Variants in HTR2B observed in about 807,000 individuals in gnomAD.
HTR2B encodes the protein 5-hydroxytryptamine receptor 2B, also known as 5-HT 2B receptor.
In HTR2B, 31 loss-of-function variants were observed where a neutral mutation model predicts 39.8. That is an observed-to-expected ratio of 0.78 (90% CI 0.58 to 1.05). HTR2B has a LOEUF of 1.05. Ranked by LOEUF, HTR2B falls within the 50% of genes least tolerant of loss-of-function variation. The pLI is 0.00. For synonymous variants in HTR2B, 210 were observed against 207.1 expected, an observed-to-expected ratio of 1.01 and a Z score of -0.12; for missense variants, 562 against 578.0, an observed-to-expected ratio of 0.97 and a Z score of 0.28.
At chr2:231,110,089 G>A (rs925941959) in intron 3 of HTR2B, among the ~76,000 whole-genome samples, 1 of 152,174 alleles carries the variant, frequency 6.6e-6, no homozygotes, top group Admixed American at 6.5e-5. Context: ...GAGGCCAAGT[G>A]GGGGTGGATT....
intron 3 of HTR2B, 55 bp from the exon 4 acceptor site, chr2:231,109,464 G>GTAAT: frequency 2.1e-6 from 3 of 1,423,614 alleles, no homozygotes; most frequent in Non-Finnish European, 3.0e-6. Flanking sequence ...GTAACTCTTC[G>GTAAT]ATTAGATCCT....
rs760491815 is a variant in HTR2B, at chr2:231,123,599, A to G, written c.166T>C (p.Trp56Arg). The G allele has an allele frequency of 7.4e-6, 12 of 1,614,034 alleles. No individual in the cohort carries two copies. Among genetic ancestry groups the G allele is most frequent in the Non-Finnish European group, 1.0e-5 (12 of 1,179,990 alleles). ...ACCATGAGTATCAGAAGAGCTGCCC[A>G]GTGCAGTTTATTTCCCTGTTCCTCA... is the stretch of plus-strand genomic sequence containing the variant. ...IVEEQGNKLH[W>R]AALLILMVII... The change falls in exon 2 of 4, where the codon TGG becomes CGG. Residue 56 changes from tryptophan (W) to arginine (R), a missense_variant. Transcript: ENST00000258400.
intron 2 of HTR2B, among the ~76,000 whole-genome samples, chr2:231,119,693 A>T (rs1460564026): frequency 6.6e-6 from 1 of 151,922 alleles, no homozygotes; most frequent in Non-Finnish European, 1.5e-5. Flanking sequence ...CAAAGTGGCA[A>T]AACCCCATCT....
At position 231,123,484 on chromosome 2, in the gene HTR2B, A is replaced by T; in HGVS notation, c.281T>A (p.Met94Lys). 2 of 1,614,096 alleles carry T rather than the reference A, an allele frequency of 1.2e-6. No homozygotes were observed. The highest frequency in any genetic ancestry group is 1.7e-5 in the Admixed American group (1 of 60,016). Residue 94 changes from methionine (M) to lysine (K), a missense_variant, in exon 2 of 4, where the codon ATG (methionine) becomes AAG (lysine). Met to Lys is a moderately conservative substitution (Grantham distance 95, BLOSUM62 -1). Coordinates refer to ENST00000258400, the MANE Select transcript of HTR2B (RefSeq NM_000867.5). ...KLQYATNYFL[M>K]SLAVADLLVG... ...CAGCAAATCAGCCACCGCCAAGGACATTAGAAAGTAATTAGTAGCATACTG... is the reference window on the plus strand; with the variant it reads ...CAGCAAATCAGCCACCGCCAAGGACTTTAGAAAGTAATTAGTAGCATACTG...
At chr2:231,115,712 G>T (rs554083103) in intron 2 of HTR2B, among the ~76,000 whole-genome samples, 1 of 152,172 alleles carries the variant, frequency 6.6e-6, no homozygotes, top group Admixed American at 6.5e-5. Context: ...TGAATATAGA[G>T]GTAAGGAGGG....
intron 2 of HTR2B, 142 bp downstream of exon 2, chr2:231,123,271 A>T: frequency 2.8e-6 from 2 of 715,912 alleles, no homozygotes. Flanking sequence ...ATATAAAACA[A>T]GGGACTGTTT....
Position 231,108,692 on chromosome 2 carries a change from T to G in HTR2B, c.1271A>C (p.Asn424Thr). Residue 424 changes from asparagine to threonine, a missense_variant, in exon 4 of 4, where the codon AAC (asparagine) becomes ACC (threonine). Coordinates refer to ENST00000258400, the MANE Select transcript of HTR2B (RefSeq NM_000867.5). ...TCCATGTTTCTTGAAAAACTTAGAG[T>G]TCTCTGCCATTGGATTCCGGAAGTA... ...KIYFRNPMAE[N>T]SKFFKKHGIR... 6.2e-7 allele frequency: 1 copy of G among 1,614,106 alleles called. No homozygotes were observed. The highest frequency in any genetic ancestry group is 8.5e-7 in the Non-Finnish European group (1 of 1,180,014).
chr2:231,116,790 A>T lies in HTR2B; in HGVS notation c.353-2861T>A, dbSNP rs543596617. Among the ~76,000 whole-genome samples the T allele has an allele frequency of 7.9e-5, 12 of 152,218 alleles. No individual in the cohort carries two copies. The East Asian group carries it at 1.2e-3, about 15-fold the overall frequency. On this transcript the variant is annotated intron_variant, in intron 2 of 3. Coordinates refer to ENST00000258400, the MANE Select transcript of HTR2B (RefSeq NM_000867.5). ...TTGTTAACAGAAATATTGAGATGTG[A>T]TACAGAATTTTCTTTAAGAAAGAAT...
At chr2:231,112,937 G>C (rs1030391713) in intron 3 of HTR2B, among the ~76,000 whole-genome samples, 1 of 152,148 alleles carries the variant, frequency 6.6e-6, no homozygotes, top group African/African-American at 2.4e-5. Flanking sequence ...GGCTGGGGCA[G>C]GGGGATCGCC....
rs765412351 is a variant in HTR2B, at chr2:231,108,869, A to G, written c.1094T>C (p.Phe365Ser). The stretch of plus-strand genomic sequence containing the variant: ...TGAGGAAACATAGCCTATCCACACA[A>G]ATATCTCCAGGAGCATTTGGAGAGT... ...QTTLQMLLEI[F>S]VWIGYVSSGV... The change falls in exon 4 of 4, where the codon TTT becomes TCT. Residue 365 changes from phenylalanine (F) to serine (S), a missense_variant. Coordinates refer to ENST00000258400, the MANE Select transcript of HTR2B (RefSeq NM_000867.5). The G allele has an allele frequency of 3.7e-6, 6 of 1,614,036 alleles. No homozygotes were observed. The highest frequency in any genetic ancestry group is 5.1e-6 in the Non-Finnish European group (6 of 1,179,996).
At chr2:231,111,615 A>G (rs1695158795) in intron 3 of HTR2B, among the ~76,000 whole-genome samples, 1 of 152,184 alleles carries the variant, frequency 6.6e-6, no homozygotes, top group African/African-American at 2.4e-5. Flanking sequence ...AACTGAGCTT[A>G]TTGTCATCTG....
At chr2:231,122,763 A>G (rs1380527404) in intron 2 of HTR2B, among the ~76,000 whole-genome samples, 1 of 152,174 alleles carries the variant, frequency 6.6e-6, no homozygotes, top group Non-Finnish European at 1.5e-5. Flanking sequence ...TTAGAGGCCT[A>G]TCAGGAACAC....
At position 231,108,952 on chromosome 2, in the gene HTR2B, C is replaced by G; in HGVS notation, c.1011G>C (p.Trp337Cys). 1.2e-6 allele frequency: 2 copies of G among 1,614,074 alleles called. No homozygotes were observed. The highest frequency in any genetic ancestry group is 1.3e-5 in the African/African-American group (1 of 75,020). ...GIVFFLFLLMWCPFFITNITL... is the reference protein window; with the variant it reads ...GIVFFLFLLMCCPFFITNITL... ...TTATATTTGTAATAAAGAAGGGACA[C>G]CACATAAGCAAAAAGAGGAAAAACA... is the stretch of plus-strand genomic sequence containing the variant. Residue 337 changes from tryptophan (W) to cysteine (C), a missense_variant, in exon 4 of 4, where the codon TGG becomes TGC. Transcript: ENST00000258400.
In HTR2B at chr2:231,123,491, A is replaced by C. The variant is rs758487048; in HGVS notation, c.274T>G (p.Phe92Val). 3 of 1,614,150 alleles carry C rather than the reference A, an allele frequency of 1.9e-6. No individual in the cohort carries two copies. The highest frequency in any genetic ancestry group is 1.7e-4 in the Middle Eastern group (1 of 6,060). ...EKKLQYATNY[F>V]LMSLAVADLL... The stretch of plus-strand genomic sequence containing the variant: ...TCAGCCACCGCCAAGGACATTAGAA[A>C]GTAATTAGTAGCATACTGCAGCTTC... The change falls in exon 2 of 4, where the codon TTT becomes GTT. Residue 92 changes from phenylalanine (F) to valine (V), a missense_variant. Coordinates refer to ENST00000258400, the MANE Select transcript of HTR2B (RefSeq NM_000867.5).
rs1475828870 is a variant in HTR2B at position 231,108,619 on chromosome 2, G to A, written c.1344C>T (p.Leu448=). 4 of 1,613,956 alleles carry A rather than the reference G, an allele frequency of 2.5e-6. No individual in the cohort carries two copies. The highest frequency in any genetic ancestry group is 3.4e-6 in the Non-Finnish European group (4 of 1,179,932). ...NPAMYQSPMR[L]RSSTIQSSSI... Reference sequence around the variant, plus strand: ...ATGAAGACTGAATGGTTGAACTTCGGAGCCTCATTGGACTCTGGTACATGG... The same window carrying A: ...ATGAAGACTGAATGGTTGAACTTCGAAGCCTCATTGGACTCTGGTACATGG... The change falls in exon 4 of 4, where the codon CTC becomes CTT. Residue 448 remains leucine, a synonymous_variant. Transcript: ENST00000258400.
chr2:231,112,619 A>G (rs1164425686), intron 3 of HTR2B, among the ~76,000 whole-genome samples: 1 of 152,144 alleles, frequency 6.6e-6, no homozygotes, highest in Non-Finnish European at 1.5e-5. Context: ...CCTCTTTGAA[A>G]TATTTTTACA....
intron 3 of HTR2B, 138 bp downstream of exon 3, chr2:231,113,591 A>G (rs1695230006): frequency 2.5e-6 from 2 of 793,428 alleles, no homozygotes; most frequent in South Asian, 2.7e-5. Flanking sequence ...CAGTGACATA[A>G]GGAGCTTATG....
chr2:231,108,411 G>T lies in HTR2B; in HGVS notation c.*106C>A. On this transcript the variant is annotated 3_prime_UTR_variant, in exon 4 of 4. Coordinates refer to ENST00000258400, the MANE Select transcript of HTR2B (RefSeq NM_000867.5). ...TACTTACATCTTAGGTTAAAGAGAT[G>T]ATTTGATATATGACATAAAATTCTT... 1.3e-6 allele frequency: 1 copy of T among 798,314 alleles called. No homozygotes were observed. The highest frequency in any genetic ancestry group is 1.6e-5 in the South Asian group (1 of 62,448). The allele number at this position is 798,314 out of a possible 1,614,324, so 49.5% of individuals were successfully genotyped here. A position where few individuals can be genotyped will look rare whatever the true frequency, so the allele number is the denominator to read the frequency against.
chr2:231,123,460 A>G lies in HTR2B; in HGVS notation c.305T>C (p.Leu102Pro). 1 of 1,614,088 alleles carries G rather than the reference A, an allele frequency of 6.2e-7. No individual in the cohort carries two copies. Among genetic ancestry groups the G allele is most frequent in the Non-Finnish European group, 8.5e-7 (1 of 1,179,932 alleles). Residue 102 changes from leucine to proline, a missense_variant, in exon 2 of 4, where the codon CTG becomes CCG. Leu to Pro is a moderately conservative substitution (Grantham distance 98). Coordinates refer to ENST00000258400, the MANE Select transcript of HTR2B (RefSeq NM_000867.5). The part of the protein sequence containing the change: ...FLMSLAVADL[L>P]VGLFVMPIAL... ...AATTGGCATCACAAACAATCCAACC[A>G]GCAAATCAGCCACCGCCAAGGACAT...
Sources: gnomAD v4.1 joint callset for allele counts (sites outside exome capture counted in the v4.1 genomes callset) on GRCh38, gnomAD v4.1.1 for gene constraint, MANE v1.5 for transcripts, NCBI Gene and HGNC (gene_info 2026-07-23, HGNC 2026-07-21) for gene names.